Variants in PHC3 observed in about 807,000 individuals in gnomAD.
PHC3 encodes the protein polyhomeotic-like protein 3.
A neutral mutation model predicts 107.4 loss-of-function variants in PHC3; 13 were observed. That is an observed-to-expected ratio of 0.12 (90% CI 0.08 to 0.19). The LOEUF (loss-of-function observed/expected upper bound fraction) is 0.19. Among genes scored for constraint, PHC3 ranks in the 10% least tolerant of loss-of-function variants. The probability of loss-of-function intolerance (pLI) is 1.00; values close to 1 mark genes in which losing one functional copy is unlikely to be tolerated. For missense variants in PHC3, 992 were observed against 1,210.9 expected (o/e 0.82, Z 2.68); for synonymous variants, 456 against 427.4 (o/e 1.07, Z -0.83).
chr3:170,171,473 A>C (rs766180030), intron 3 of PHC3, 23 bp from the exon 4 acceptor site: 8 of 1,516,612 alleles, frequency 5.3e-6, no homozygotes, highest in Non-Finnish European at 5.4e-6. Context: ...GACTTTTAGA[A>C]TATGTCGGTA....
intron 6 of PHC3, among the ~76,000 whole-genome samples, chr3:170,140,873 C>A (rs1246068557): frequency 6.6e-6 from 1 of 152,132 alleles, no homozygotes; most frequent in Non-Finnish European, 1.5e-5. Flanking sequence ...GCTGGGATTA[C>A]AGGCATGAGC....
intron 8 of PHC3, among the ~76,000 whole-genome samples, chr3:170,126,528 A>ATATTTTT (rs370421296): frequency 3.8e-4 from 34 of 90,620 alleles, no homozygotes; most frequent in East Asian, 9.2e-4. Context: ...ATATATATAT[A>ATATTTTT]TTTTTTTTTT....
At position 170,129,197 on chromosome 3, in the gene PHC3, A is replaced by C; in HGVS notation, c.1275T>G (p.Ile425Met). Residue 425 changes from isoleucine (I) to methionine (M), a missense_variant, in exon 8 of 15, where the codon ATT becomes ATG. Ile to Met is a conservative substitution (Grantham distance 10). Coordinates refer to ENST00000495893, the MANE Select transcript of PHC3 (RefSeq NM_024947.4). ...PHSPSQSPTI[I>M]IHPQALIQPH... The stretch of plus-strand genomic sequence containing the variant: ...GCTGAATAAGTGCTTGTGGATGAAT[A>C]ATTATAGTAGGAGACTGACTTGGTG... 6.2e-7 allele frequency: 1 copy of C among 1,613,966 alleles called. No individual in the cohort carries two copies. The highest frequency in any genetic ancestry group is 8.5e-7 in the Non-Finnish European group (1 of 1,179,878).
Position 170,122,727 on chromosome 3 carries a change from A to G in PHC3, c.1806T>C (p.Asp602=). 6.2e-7 allele frequency: 1 copy of G among 1,613,828 alleles called. No homozygotes were observed. Residue 602 remains aspartate, a synonymous_variant, in exon 9 of 15, where the codon GAT becomes GAC. Coordinates refer to ENST00000495893, the MANE Select transcript of PHC3 (RefSeq NM_024947.4). ...VDPPVVYQVE[D]VCEEEMPEES... ...CTTCTGGCATTTCTTCTTCACACAC[A>G]TCTTCTACCTGATAAACCTGCAATG...
intron 4 of PHC3, among the ~76,000 whole-genome samples, chr3:170,150,356 T>C (rs1725699351): frequency 6.6e-6 from 1 of 151,880 alleles, no homozygotes; most frequent in South Asian, 2.1e-4. Context: ...AGCTACAAAA[T>C]TAAATTATAA....
intron 2 of PHC3, among the ~76,000 whole-genome samples, chr3:170,175,907 G>C (rs1382269366): frequency 6.7e-6 from 1 of 150,162 alleles, no homozygotes; most frequent in East Asian, 1.9e-4. Context: ...GTGGGCTACA[G>C]GGCAAGACTC....
chr3:170,177,065 T>C, intron 2 of PHC3: 5 of 330,634 alleles, frequency 1.5e-5, no homozygotes, highest in South Asian at 1.2e-4. Flanking sequence ...ACTAAGTGAC[T>C]TCCTAGTTCA....
chr3:170,157,339 T>A (rs1727049759), intron 4 of PHC3, among the ~76,000 whole-genome samples: 1 of 152,168 alleles, frequency 6.6e-6, no homozygotes, highest in Admixed American at 6.5e-5. Context: ...TAGGATAAGA[T>A]GTGGAGGGGT....
intron 4 of PHC3, among the ~76,000 whole-genome samples, chr3:170,169,063 G>A (rs547087865): frequency 6.6e-6 from 1 of 151,406 alleles, no homozygotes; most frequent in South Asian, 2.1e-4. Flanking sequence ...ATGTCATGTT[G>A]GTGTGCAAAA....
Position 170,144,711 on chromosome 3 carries a change from T to C in PHC3, c.672+712A>G, listed in dbSNP as rs548322521. Reference sequence around the variant, plus strand: ...ATGGTGATACTCATTGTGGTTTTGATTTGCATTTCTGTAATGATTAATCTC... The same window carrying C: ...ATGGTGATACTCATTGTGGTTTTGACTTGCATTTCTGTAATGATTAATCTC... On this transcript the variant is annotated intron_variant, in intron 6 of 14. Coordinates refer to ENST00000495893, the MANE Select transcript of PHC3 (RefSeq NM_024947.4). Among the ~76,000 whole-genome samples, 215 of 152,294 alleles carry C rather than the reference T, an allele frequency of 1.4e-3. 2 individuals carry two copies. Among genetic ancestry groups the C allele is most frequent in the African/African-American group, 4.8e-3 (201 of 41,554 alleles).
intron 4 of PHC3, among the ~76,000 whole-genome samples, chr3:170,152,517 A>G (rs1376924712): frequency 2.0e-5 from 3 of 151,460 alleles, no homozygotes; most frequent in Non-Finnish European, 4.4e-5. Context: ...TTCCTAACAC[A>G]TCACTGAAAT....
At chr3:170,131,451 A>C (rs1032021214) in intron 7 of PHC3, among the ~76,000 whole-genome samples, 2 of 152,196 alleles carry the variant, frequency 1.3e-5, no homozygotes, top group African/African-American at 4.8e-5. Flanking sequence ...TTTTGCAAGC[A>C]TAACAGCAAG....
At chr3:170,143,392 C>T (rs1405411727) in intron 6 of PHC3, among the ~76,000 whole-genome samples, 3 of 151,970 alleles carry the variant, frequency 2.0e-5, no homozygotes, top group Non-Finnish European at 2.9e-5. Flanking sequence ...TGGATTTAAC[C>T]GACCATCATC....
Position 170,129,342 on chromosome 3 carries a change from C to G in PHC3, c.1130G>C (p.Ser377Thr). ...LQNHGLPPAP[S>T]NAQSQHCSPI... ...TGAACAATGCTGTGACTGGGCATTA[C>G]TGGGAGCTGGAGGAAGGCCATGGTT... The change falls in exon 8 of 15, where the codon AGT (serine) becomes ACT (threonine). Residue 377 changes from serine (S) to threonine (T), a missense_variant. Coordinates refer to ENST00000495893, the MANE Select transcript of PHC3 (RefSeq NM_024947.4). 1.2e-6 allele frequency: 2 copies of G among 1,613,812 alleles called. No individual in the cohort carries two copies. The highest frequency in any genetic ancestry group is 2.2e-5 in the East Asian group (1 of 44,856).
chr3:170,165,306 G>C (rs1223117462), intron 4 of PHC3, among the ~76,000 whole-genome samples: 3 of 152,072 alleles, frequency 2.0e-5, no homozygotes, highest in Non-Finnish European at 4.4e-5. Flanking sequence ...AAAATAAAAA[G>C]GTCAAATAAG....
At chr3:170,112,361 C>T (rs1378935231) in intron 11 of PHC3, among the ~76,000 whole-genome samples, 1 of 150,638 alleles carries the variant, frequency 6.6e-6, no homozygotes, top group South Asian at 2.1e-4. Flanking sequence ...CAGGCACACA[C>T]CACCAGGCCC....
chr3:170,105,678 C>G (rs1716364613), intron 12 of PHC3, among the ~76,000 whole-genome samples: 1 of 152,120 alleles, frequency 6.6e-6, no homozygotes. Context: ...TCTCTTCTAC[C>G]TATTTTGAAA....
rs1319626389 is a variant in PHC3 at position 170,095,818 on chromosome 3, T to C, written c.*1412A>G. Reference sequence around the variant, plus strand: ...CATAATTCTATAGAACACTGTTCAGTAAAAGGTTTTGCTTTACATTTTTTT... The same window carrying C: ...CATAATTCTATAGAACACTGTTCAGCAAAAGGTTTTGCTTTACATTTTTTT... On this transcript the variant is annotated 3_prime_UTR_variant, in exon 15 of 15. Coordinates refer to ENST00000495893, the MANE Select transcript of PHC3 (RefSeq NM_024947.4). 1 of 152,178 alleles carries C rather than the reference T, an allele frequency of 6.6e-6. No individual in the cohort carries two copies. Among genetic ancestry groups the C allele is most frequent in the East Asian group, 1.9e-4 (1 of 5,200 alleles). 9.4% of individuals were successfully genotyped at this position (152,178 alleles called of 1,614,324 possible).
At chr3:170,141,899 C>T (rs751170771) in intron 6 of PHC3, among the ~76,000 whole-genome samples, 8 of 152,146 alleles carry the variant, frequency 5.3e-5, no homozygotes, top group South Asian at 2.1e-4. Context: ...CTACCTCGCC[C>T]GGCCTGTAAA....
Sources: allele counts gnomAD v4.1 joint callset (sites outside exome capture counted in the v4.1 genomes callset), GRCh38; gene constraint gnomAD v4.1.1; transcripts MANE v1.5; gene names NCBI Gene and HGNC (gene_info 2026-07-23, HGNC 2026-07-21).